SNW1: variants seen among roughly 807,000 people sequenced by gnomAD.
SNW1 encodes the protein SNW domain-containing protein 1.
SNW1 carries 9 observed loss-of-function variants against 75.6 expected under a neutral mutation model. The observed-to-expected ratio is 0.12, with a 90% confidence interval of 0.07 to 0.21. The LOEUF is 0.21. Among genes scored for constraint, SNW1 ranks in the 10% least tolerant of loss-of-function variants. The pLI is 1.00. For missense variants in SNW1, 409 were observed against 670.9 expected (o/e 0.61, Z 4.31); for synonymous variants, 200 against 219.1 (o/e 0.91, Z 0.77).
chr14:77,752,635 T>C (rs2080817277), intron 2 of SNW1, among the ~76,000 whole-genome samples: 1 of 152,174 alleles, frequency 6.6e-6, no homozygotes, highest in Admixed American at 6.5e-5. Context: ...CCGAAAAGCT[T>C]TGTATTTTCT....
intron 10 of SNW1, among the ~76,000 whole-genome samples, chr14:77,723,700 G>A (rs901378197): frequency 3.3e-5 from 5 of 152,102 alleles, no homozygotes; most frequent in African/African-American, 1.2e-4. Context: ...TGCTGCCCAG[G>A]CTGGAATGCA....
chr14:77,750,156 G>A (rs780937301), intron 3 of SNW1, among the ~76,000 whole-genome samples: 4 of 152,132 alleles, frequency 2.6e-5, no homozygotes, highest in Non-Finnish European at 5.9e-5. Flanking sequence ...AGCCATCATC[G>A]TGCCACTGCA....
intron 10 of SNW1, among the ~76,000 whole-genome samples, chr14:77,730,653 T>C (rs1184743110): frequency 6.6e-6 from 1 of 152,192 alleles, no homozygotes; most frequent in Non-Finnish European, 1.5e-5. Flanking sequence ...GGGAGCTGAA[T>C]TATTCTGTTA....
At chr14:77,736,092 A>G (rs1459341653) in intron 6 of SNW1, 86 bp from the exon 7 acceptor site, 2 of 928,980 alleles carry the variant, frequency 2.2e-6, no homozygotes, top group Admixed American at 2.4e-5. Flanking sequence ...TTTCTTGCAT[A>G]AAAGTTTCAA....
chr14:77,751,558 A>C, intron 2 of SNW1, 78 bp from the exon 3 acceptor site: 5 of 1,147,868 alleles, frequency 4.4e-6, no homozygotes, highest in African/African-American at 1.6e-5. Context: ...TCAACAAGTA[A>C]TTGTTGAGTC....
In SNW1 at chr14:77,754,989, C is replaced by A; in HGVS notation, c.146G>T (p.Gly49Val). 1 of 1,604,862 alleles carries A rather than the reference C, an allele frequency of 6.2e-7. No homozygotes were observed. Among genetic ancestry groups the A allele is most frequent in the South Asian group, 1.1e-5 (1 of 89,950 alleles). Reference sequence around the variant, plus strand: ...TACCTCTAATAACCGAGGTATCCAGCCTTTCCGGTATCCGTACGGGGGAGG... The same window carrying A: ...TACCTCTAATAACCGAGGTATCCAGACTTTCCGGTATCCGTACGGGGGAGG... ...REPPPYGYRKGWIPRLLEDFG... is the reference protein window; with the variant it reads ...REPPPYGYRKVWIPRLLEDFG... Residue 49 changes from glycine (G) to valine (V), a missense_variant, in exon 2 of 14, where the codon GGC becomes GTC. Around this residue, in one of 9 missense-constraint regions of SNW1, gnomAD observed 73 missense variants for 68.3 expected, o/e 1.07. Coordinates refer to ENST00000261531, the MANE Select transcript of SNW1 (RefSeq NM_012245.3).
intron 2 of SNW1, among the ~76,000 whole-genome samples, chr14:77,751,741 A>C (rs975667743): frequency 2.0e-5 from 3 of 151,574 alleles, no homozygotes; most frequent in Admixed American, 6.6e-5. Context: ...GTGGTTGGGG[A>C]CAGCCTTTGT....
chr14:77,746,385 A>G (rs2080760538), intron 3 of SNW1, among the ~76,000 whole-genome samples: 1 of 152,248 alleles, frequency 6.6e-6, no homozygotes, highest in Non-Finnish European at 1.5e-5. Context: ...ACTAAGTAGC[A>G]GAGAGGGGAA....
chr14:77,760,311 A>G (rs1355723911), intron 1 of SNW1, among the ~76,000 whole-genome samples: 2 of 152,302 alleles, frequency 1.3e-5, no homozygotes, highest in Non-Finnish European at 2.9e-5. Context: ...TGATGTCCTG[A>G]AAGGATTACT....
intron 10 of SNW1, among the ~76,000 whole-genome samples, chr14:77,725,596 C>T (rs945196066): frequency 1.3e-5 from 2 of 152,158 alleles, no homozygotes; most frequent in East Asian, 1.9e-4. Flanking sequence ...ATCCTTTCCC[C>T]AATGTATGCT....
At chr14:77,754,109 A>C (rs1019515246) in intron 2 of SNW1, among the ~76,000 whole-genome samples, 4 of 151,190 alleles carry the variant, frequency 2.6e-5, no homozygotes, top group African/African-American at 9.7e-5. Context: ...CAATGGTGCG[A>C]TCTTGGCTCA....
chr14:77,746,761 AAGC>A (rs2080763319), intron 3 of SNW1, among the ~76,000 whole-genome samples: 1 of 152,222 alleles, frequency 6.6e-6, no homozygotes, highest in Non-Finnish European at 1.5e-5. Flanking sequence ...GTAAAATAAA[AAGC>A]AAGTCAAAGG....
Position 77,720,831 on chromosome 14 carries a change from A to G in SNW1, c.1131-3T>C. 1.9e-6 allele frequency: 3 copies of G among 1,591,586 alleles called. No individual in the cohort carries two copies. Among genetic ancestry groups the G allele is most frequent in the Non-Finnish European group, 8.6e-7 (1 of 1,160,354 alleles). ...TTTCATTTCTCTGAAGTTTCGACCT[A>G]TTTTGAAATACGACATCACTAACTG... On this transcript the variant is annotated splice_polypyrimidine_tract_variant and splice_region_variant and intron_variant, in intron 11 of 13. Transcript: ENST00000261531.
In SNW1 at chr14:77,757,209, C is replaced by A. The variant is rs192452031; in HGVS notation, c.15-2089G>T. Among the ~76,000 whole-genome samples the A allele has an allele frequency of 7.8e-3, 1,167 of 149,260 alleles. 14 individuals are homozygous for A. The highest frequency in any genetic ancestry group is 0.02 in the South Asian group (90 of 4,594). ...TATAAATGGAGAAAGACAGCTTAGT[C>A]TTGCAGACAGAGACCAAAAAAAAAA... On this transcript the variant is annotated intron_variant, in intron 1 of 13. Coordinates refer to ENST00000261531, the MANE Select transcript of SNW1 (RefSeq NM_012245.3).
At chr14:77,728,838 G>C (rs772766281) in intron 10 of SNW1, among the ~76,000 whole-genome samples, 8 of 152,140 alleles carry the variant, frequency 5.3e-5, no homozygotes, top group Non-Finnish European at 1.2e-4. Flanking sequence ...TGCAAATAAA[G>C]TACTCAGAGT....
At chr14:77,721,010 G>T in intron 11 of SNW1, 182 bp from the exon 12 acceptor site, 1 of 578,026 alleles carries the variant, frequency 1.7e-6, no homozygotes, top group Non-Finnish European at 3.1e-6. Flanking sequence ...TTTCAGATTA[G>T]AGGGAGAGTT....
In SNW1 at chr14:77,737,053, C is replaced by T. The variant is rs754340022; in HGVS notation, c.556G>A (p.Val186Met). 6.2e-7 allele frequency: 1 copy of T among 1,613,664 alleles called. No individual in the cohort carries two copies. The highest frequency in any genetic ancestry group is 8.5e-7 in the Non-Finnish European group (1 of 1,179,680). The change falls in exon 6 of 14, where the codon GTG becomes ATG. Residue 186 changes from valine (V) to methionine (M), a missense_variant. By Grantham distance (21) the Val-to-Met change is conservative. Transcript: ENST00000261531. ...TGTTTAGCTCCAGAGTTGAATGCCACTCCTTGCTGAGATGGTGTGTATCTG... is the reference window on the plus strand; with the variant it reads ...TGTTTAGCTCCAGAGTTGAATGCCATTCCTTGCTGAGATGGTGTGTATCTG... ...YIRYTPSQQG[V>M]AFNSGAKQRV...
intron 11 of SNW1, among the ~76,000 whole-genome samples, chr14:77,722,247 C>T (rs1268132973): frequency 1.3e-5 from 2 of 152,156 alleles, no homozygotes; most frequent in African/African-American, 4.8e-5. Flanking sequence ...TAAACTTCCC[C>T]AATTCCTACT....
intron 2 of SNW1, among the ~76,000 whole-genome samples, chr14:77,753,050 G>A (rs1401147937): frequency 6.6e-6 from 1 of 152,182 alleles, no homozygotes; most frequent in South Asian, 2.1e-4. Context: ...TGGTCATTAA[G>A]CTTGCCAGAA....
Sources: gnomAD v4.1 joint callset for allele counts (sites outside exome capture counted in the v4.1 genomes callset) on GRCh38, gnomAD v4.1.1 for gene constraint, gnomAD v4.1.1 regional missense constraint, MANE v1.5 for transcripts, NCBI Gene and HGNC (gene_info 2026-07-23, HGNC 2026-07-21) for gene names.